Variants in STARD13 observed in about 807,000 individuals in gnomAD.
The protein encoded by STARD13 is stAR-related lipid transfer protein 13.
In STARD13, 62 loss-of-function variants were observed where a neutral mutation model predicts 106.4. The ratio of observed to expected loss-of-function variants is 0.58; its 90% CI spans 0.48 to 0.72. The LOEUF (loss-of-function observed/expected upper bound fraction) is 0.72, where lower values mean the gene tolerates loss of function less well. STARD13 is among the 30% of genes least tolerant of loss of function. The pLI is 0.00. For synonymous variants in STARD13, 565 were observed against 553.0 expected, an observed-to-expected ratio of 1.02 and a Z score of -0.31; for missense variants, 1,387 against 1,424.0, an observed-to-expected ratio of 0.97 and a Z score of 0.42.
At chr13:33,658,290 TTTTG>T in the STARD13 span, 1 of 152,326 alleles carries the variant, frequency 6.6e-6, no homozygotes, top group African/African-American at 2.4e-5. Flanking sequence ...ACATACCGCA[TTTTG>T]TTTATCCATT....
intron 1 of STARD13, among the ~76,000 whole-genome samples, chr13:33,235,063 G>T (rs1476849553): frequency 6.6e-6 from 1 of 152,178 alleles, no homozygotes; most frequent in Non-Finnish European, 1.5e-5. Flanking sequence ...TTTTCAAAGT[G>T]GCGTCTTCAA....
the STARD13 span, among the ~76,000 whole-genome samples, chr13:33,462,673 G>C: frequency 1.3e-5 from 2 of 152,364 alleles, no homozygotes; most frequent in African/African-American, 4.8e-5. Flanking sequence ...GGAGTCTGAC[G>C]TTCAAGGGCA....
intron 1 of STARD13, among the ~76,000 whole-genome samples, chr13:33,187,172 T>C (rs548204527): frequency 5.3e-5 from 8 of 152,284 alleles, no homozygotes; most frequent in South Asian, 2.1e-4. Flanking sequence ...TTTAAGAGCA[T>C]TGACCTGGGG....
intron 1 of STARD13, among the ~76,000 whole-genome samples, chr13:33,278,878 A>G (rs1891600094): frequency 1.3e-5 from 2 of 151,968 alleles, no homozygotes; most frequent in East Asian, 1.9e-4. Context: ...CTTTTTTGCA[A>G]TCTTTAGTTA....
At chr13:33,480,113 T>C in the STARD13 span, among the ~76,000 whole-genome samples, 2 of 152,210 alleles carry the variant, frequency 1.3e-5, no homozygotes, top group Admixed American at 1.3e-4. Flanking sequence ...AAGGAATACT[T>C]GTATGTGTAT....
intron 7 of STARD13, among the ~76,000 whole-genome samples, chr13:33,119,403 T>C (rs1875911286): frequency 6.6e-6 from 1 of 152,166 alleles, no homozygotes; most frequent in African/African-American, 2.4e-5. Flanking sequence ...CAGCCACTGC[T>C]CATCCCCCCT....
the STARD13 span, among the ~76,000 whole-genome samples, chr13:33,529,141 A>T: frequency 5.3e-5 from 8 of 152,290 alleles, no homozygotes; most frequent in Admixed American, 4.6e-4. Context: ...GATGGATTGA[A>T]TACTGCAAAA....
At chr13:33,626,114 C>T in the STARD13 span, among the ~76,000 whole-genome samples, 1 of 152,080 alleles carries the variant, frequency 6.6e-6, no homozygotes, top group Admixed American at 6.5e-5. Context: ...TATAGATAGA[C>T]CATAGCTACA....
intron 1 of STARD13, among the ~76,000 whole-genome samples, chr13:33,168,743 C>T (rs1023315640): frequency 2.6e-5 from 4 of 152,212 alleles, no homozygotes; most frequent in Non-Finnish European, 5.9e-5. Flanking sequence ...TAACATCACC[C>T]TGGGCCTGCG....
At chr13:33,141,048 G>A (rs575959925) in intron 4 of STARD13, among the ~76,000 whole-genome samples, 17 of 151,926 alleles carry the variant, frequency 1.1e-4, no homozygotes, top group Non-Finnish European at 2.2e-4. Context: ...GTGAGCCACC[G>A]CAACTGGCCA....
At chr13:33,163,613 TATATATATATAAAACATATATATATAAC>T (rs1566038514) in intron 3 of STARD13, among the ~76,000 whole-genome samples, 2 of 132,150 alleles carry the variant, frequency 1.5e-5, no homozygotes, top group African/African-American at 3.0e-5. Context: ...AAAATATATA[TATATATATATAAAACATATATATATAAC>T]ATATATATAT....
At chr13:33,535,363 A>G in the STARD13 span, among the ~76,000 whole-genome samples, 1 of 152,246 alleles carries the variant, frequency 6.6e-6, no homozygotes, top group Non-Finnish European at 1.5e-5. Context: ...TGATGATTTC[A>G]AAGTTTAGAA....
At chr13:33,295,101 T>A (rs775701717) in intron 1 of STARD13, among the ~76,000 whole-genome samples, 16 of 152,154 alleles carry the variant, frequency 1.1e-4, no homozygotes, top group Non-Finnish European at 2.2e-4. Flanking sequence ...ATAATGCAAT[T>A]GCATTTCTTA....
chr13:33,632,742 C>T, the STARD13 span, among the ~76,000 whole-genome samples: 1 of 151,970 alleles, frequency 6.6e-6, no homozygotes, highest in East Asian at 1.9e-4. Context: ...CAATTGGCTA[C>T]CTACTTTCCT....
the STARD13 span, among the ~76,000 whole-genome samples, chr13:33,489,079 C>T: frequency 2.6e-5 from 4 of 152,130 alleles, no homozygotes; most frequent in Non-Finnish European, 4.4e-5. Flanking sequence ...CACACCCTGC[C>T]TAAATGATTC....
the STARD13 span, among the ~76,000 whole-genome samples, chr13:33,645,928 A>G: frequency 6.6e-6 from 1 of 152,194 alleles, no homozygotes; most frequent in Non-Finnish European, 1.5e-5. Context: ...AACTATTGCA[A>G]CTAATTAAGA....
the STARD13 span, chr13:33,658,210 G>C: frequency 1.3e-5 from 2 of 154,558 alleles, no homozygotes; most frequent in African/African-American, 4.8e-5. Flanking sequence ...TGTCCTCGAG[G>C]TTCATCCATG....
At chr13:33,523,870 C>G in the STARD13 span, among the ~76,000 whole-genome samples, 1 of 152,078 alleles carries the variant, frequency 6.6e-6, no homozygotes, top group Non-Finnish European at 1.5e-5. Context: ...GACAGACTAA[C>G]CCGACAGGGA....
chr13:33,319,362 G>T (rs528594918), intron 1 of STARD13, among the ~76,000 whole-genome samples: 21 of 152,230 alleles, frequency 1.4e-4, no homozygotes, highest in Middle Eastern at 3.4e-3. Flanking sequence ...GAGACAGAAA[G>T]TTGCTAACTG....
Sources: allele counts gnomAD v4.1 joint callset (sites outside exome capture counted in the v4.1 genomes callset), GRCh38; gene constraint gnomAD v4.1.1; transcripts MANE v1.5; gene names NCBI Gene and HGNC (gene_info 2026-07-23, HGNC 2026-07-21).